FBXL16: variants seen among roughly 807,000 people sequenced by gnomAD.
The protein encoded by FBXL16 is F-box and leucine rich repeat protein 16, also known as F-box/LRR-repeat protein 16.
A neutral mutation model predicts 36.7 loss-of-function variants in FBXL16; 7 were observed. That is an observed-to-expected ratio of 0.19 (90% CI 0.11 to 0.36). The LOEUF is 0.36. FBXL16 is among the 10% of genes least tolerant of loss of function. The probability of loss-of-function intolerance (pLI) is 1.00; values close to 1 mark genes in which losing one functional copy is unlikely to be tolerated. For missense variants in FBXL16, 463 were observed against 659.4 expected, an observed-to-expected ratio of 0.70 and a Z score of 3.26; for synonymous variants, 355 against 308.7, an observed-to-expected ratio of 1.15 and a Z score of -1.57.
rs1596574027 is a variant in FBXL16 at position 697,844 on chromosome 16, C to CA, written c.-14-426dup. On this transcript the variant is annotated intron_variant, in intron 1 of 5. Coordinates refer to ENST00000397621, the MANE Select transcript of FBXL16 (RefSeq NM_153350.4). This position sits in a 1 kb window ranked among gnomAD's most constrained non-coding sequence, Gnocchi z 4.6. Reference sequence around the variant, plus strand: ...TGAAACACCATCTCTTCTAAAAATACAAAAAATTAGCTGGGCATGGTGGCA... The same window carrying CA: ...TGAAACACCATCTCTTCTAAAAATACAAAAAAATTAGCTGGGCATGGTGGCA... Among the ~76,000 whole-genome samples the CA allele has an allele frequency of 6.6e-6, 1 of 151,930 alleles. No homozygotes were observed. Among genetic ancestry groups the CA allele is most frequent in the Non-Finnish European group, 1.5e-5 (1 of 67,946 alleles).
At chr16:696,037 G>T (rs2040008795) in intron 2 of FBXL16, 114 bp from the exon 3 acceptor site, 1 of 1,400,242 alleles carries the variant, frequency 7.1e-7, no homozygotes, top group Non-Finnish European at 9.4e-7. Context: ...ATTTGGCAGT[G>T]TGTGAGGAGG....
chr16:694,539 G>C (rs1331998807), intron 5 of FBXL16, 95 bp downstream of exon 5: 8 of 1,515,718 alleles, frequency 5.3e-6, no homozygotes, highest in Non-Finnish European at 7.2e-6. Context: ...TCCGCGCCGG[G>C]TGTGAGTTTG....
intron 1 of FBXL16, among the ~76,000 whole-genome samples, chr16:704,849 C>G (rs1410648106): frequency 3.9e-5 from 6 of 152,352 alleles, no homozygotes; most frequent in Non-Finnish European, 1.5e-5. Context: ...AAGCTGCCAC[C>G]GCAGCCCTCT....
intron 3 of FBXL16, 30 bp from the exon 4 acceptor site, chr16:695,106 T>G: frequency 6.3e-7 from 1 of 1,589,382 alleles, no homozygotes; most frequent in Non-Finnish European, 8.6e-7. Context: ...GACCCCCACC[T>G]TCAAATCACC....
At position 693,574 on chromosome 16, in the gene FBXL16, G is replaced by C. The variant is rs762746803; in HGVS notation, c.*701C>G. 106 of 152,876 alleles carry C rather than the reference G, an allele frequency of 6.9e-4. No homozygotes were observed. Among genetic ancestry groups the C allele is most frequent in the Non-Finnish European group, 8.4e-4 (57 of 68,106 alleles). The allele number at this position is 152,876 out of a possible 1,614,324, so 9.5% of individuals were successfully genotyped here. On this transcript the variant is annotated 3_prime_UTR_variant, in exon 6 of 6. Coordinates refer to ENST00000397621, the MANE Select transcript of FBXL16 (RefSeq NM_153350.4). Reference sequence around the variant, plus strand: ...TCAGCCTGGCCAGGGACCAAGGCCGGGTTTTGGGGCGGACAGGGGACTGCC... The same window carrying C: ...TCAGCCTGGCCAGGGACCAAGGCCGCGTTTTGGGGCGGACAGGGGACTGCC...
chr16:695,111 A>G, intron 3 of FBXL16, 35 bp from the exon 4 acceptor site: 1 of 1,580,896 alleles, frequency 6.3e-7, no homozygotes, highest in Non-Finnish European at 8.6e-7. Flanking sequence ...CCACCTTCAA[A>G]TCACCTGGCC....
chr16:702,464 C>T (rs985970013), intron 1 of FBXL16, among the ~76,000 whole-genome samples: 6 of 152,196 alleles, frequency 3.9e-5, no homozygotes, highest in African/African-American at 1.2e-4. Flanking sequence ...CCTGAGGACT[C>T]TTGAGGACAG....
intron 1 of FBXL16, among the ~76,000 whole-genome samples, chr16:705,060 G>T (rs1432151886): frequency 1.3e-5 from 2 of 152,156 alleles, no homozygotes; most frequent in Admixed American, 1.3e-4. Context: ...CTCAGCGCAG[G>T]CCCCGGGTCC....
chr16:705,190 G>T (rs1157787404), intron 1 of FBXL16, among the ~76,000 whole-genome samples: 4 of 152,176 alleles, frequency 2.6e-5, no homozygotes, highest in African/African-American at 9.7e-5. Context: ...CCGACCAGGC[G>T]CCCGGGGTGG....
In FBXL16 at chr16:695,353, CGCCCCGCCCCGTGCA is replaced by C. The variant is rs1180472125; in HGVS notation, c.1142+47_1142+61del. ...CCCCCGGCCCCGTGCAGCCCCGCCC[CGCCCCGCCCCGTGCA>C]GCCCCGCCCGGCCCAGCCCCGCCCG... On this transcript the variant is annotated intron_variant, in intron 3 of 5. Coordinates refer to ENST00000397621, the MANE Select transcript of FBXL16 (RefSeq NM_153350.4). 6.3e-5 allele frequency: 71 copies of C among 1,119,140 alleles called. No individual in the cohort carries two copies. The African/African-American group carries it at 9.8e-4, about 16-fold the overall frequency. 69.3% of individuals were successfully genotyped at this position (1,119,140 alleles called of 1,614,324 possible). A position where few individuals can be genotyped will look rare whatever the true frequency, so the allele number is the denominator to read the frequency against.
At position 697,426 on chromosome 16, in the gene FBXL16, A is replaced by G; in HGVS notation, c.-14-7T>C. On this transcript the variant is annotated splice_region_variant and splice_polypyrimidine_tract_variant and intron_variant, in intron 1 of 5. Transcript: ENST00000397621. The surrounding 1 kb of genome is among the most constrained non-coding windows in gnomAD (Gnocchi z 4.6). ...GACATCTTCCTGGCACGCTCTGTGGATGAGGGCCGGGAGGGGGAGTGAGTC... is the reference window on the plus strand; with the variant it reads ...GACATCTTCCTGGCACGCTCTGTGGGTGAGGGCCGGGAGGGGGAGTGAGTC... The G allele has an allele frequency of 6.6e-7, 1 of 1,523,226 alleles. No individual in the cohort carries two copies. Among genetic ancestry groups the G allele is most frequent in the Middle Eastern group, 1.8e-4 (1 of 5,588 alleles). The allele number at this position is 1,523,226 out of a possible 1,614,324, so 94.4% of individuals were successfully genotyped here.
Position 697,151 on chromosome 16 carries a change from T to C in FBXL16, c.255A>G (p.Ala85=). 1.3e-6 allele frequency: 2 copies of C among 1,593,682 alleles called. No individual in the cohort carries two copies. Among genetic ancestry groups the C allele is most frequent in the Non-Finnish European group, 1.7e-6 (2 of 1,171,988 alleles). The change falls in exon 2 of 6, where the codon GCA becomes GCG. Residue 85 remains alanine, a synonymous_variant. Coordinates refer to ENST00000397621, the MANE Select transcript of FBXL16 (RefSeq NM_153350.4). This position sits in a 1 kb window ranked among gnomAD's most constrained non-coding sequence, Gnocchi z 4.6. Reference sequence around the variant, plus strand: ...GCGGCCGCTCCGCTGGGTGCCCAGGTGCCAAGGCTGAGGCTGGTCCACCTG... The same window carrying C: ...GCGGCCGCTCCGCTGGGTGCCCAGGCGCCAAGGCTGAGGCTGGTCCACCTG... ...TPAGGPASAL[A]PGHPAERPPL...
chr16:695,169 C>T, intron 3 of FBXL16, 93 bp from the exon 4 acceptor site: 1 of 1,348,148 alleles, frequency 7.4e-7, no homozygotes. Flanking sequence ...TGAATCCCTT[C>T]CTGCCCCACC....
chr16:703,164 C>T (rs79360189), intron 1 of FBXL16, among the ~76,000 whole-genome samples: 1,735 of 152,314 alleles, frequency 0.011, 35 homozygotes, highest in African/African-American at 0.04. Context: ...GGTCTCGATG[C>T]CTTCCTGCTG....
chr16:692,529 T>A lies in FBXL16; in HGVS notation c.*1746A>T, dbSNP rs769458019. 2 of 152,412 alleles carry A rather than the reference T, an allele frequency of 1.3e-5. No individual in the cohort carries two copies. The highest frequency in any genetic ancestry group is 2.9e-5 in the Non-Finnish European group (2 of 68,046). 9.4% of individuals were successfully genotyped at this position (152,412 alleles called of 1,614,324 possible). ...TTTACAACTTTTTTAATATATATTT[T>A]TATAAACAGGTCACGTGATAAAATA... is the stretch of plus-strand genomic sequence containing the variant. On this transcript the variant is annotated 3_prime_UTR_variant, in exon 6 of 6. Transcript: ENST00000397621.
At chr16:702,729 T>G (rs919171568) in intron 1 of FBXL16, among the ~76,000 whole-genome samples, 4 of 152,164 alleles carry the variant, frequency 2.6e-5, no homozygotes, top group Non-Finnish European at 1.5e-5. Flanking sequence ...GGGTTGGGAC[T>G]AGGTTGGTAC....
At position 694,268 on chromosome 16, in the gene FBXL16, C is replaced by G; in HGVS notation, c.*7G>C. On this transcript the variant is annotated 3_prime_UTR_variant, in exon 6 of 6. Transcript: ENST00000397621. ...CGGGTTCCCGCGACCGGGGCGGGGG[C>G]CTCGCGCTACTCAATGACGAGGCAG... 1 of 1,376,670 alleles carries G rather than the reference C, an allele frequency of 7.3e-7. No individual in the cohort carries two copies. The highest frequency in any genetic ancestry group is 9.4e-7 in the Non-Finnish European group (1 of 1,061,972). 85.3% of individuals were successfully genotyped at this position (1,376,670 alleles called of 1,614,324 possible).
At chr16:694,838 C>T (rs879147931) in intron 4 of FBXL16, 141 bp from the exon 5 acceptor site, 3 of 1,259,108 alleles carry the variant, frequency 2.4e-6, no homozygotes, top group Non-Finnish European at 1.1e-6. Context: ...GGGAAGTGCT[C>T]GTGGGGGCCG....
At chr16:695,124 G>A (rs779420413) in intron 3 of FBXL16, 48 bp from the exon 4 acceptor site, 174 of 1,558,302 alleles carry the variant, frequency 1.1e-4, no homozygotes, top group Non-Finnish European at 1.5e-4. Flanking sequence ...ACCTGGCCCC[G>A]GCCATCCCTC....
Sources: gnomAD v4.1 joint callset for allele counts (sites outside exome capture counted in the v4.1 genomes callset) on GRCh38, gnomAD v4.1.1 for gene constraint, Gnocchi (gnomAD v3.1) non-coding constraint, MANE v1.5 for transcripts, NCBI Gene and HGNC (gene_info 2026-07-23, HGNC 2026-07-21) for gene names.